ARFGEF3: variants seen among roughly 807,000 people sequenced by gnomAD.
The protein encoded by ARFGEF3 is ARFGEF family member 3.
A neutral mutation model predicts 221.7 loss-of-function variants in ARFGEF3; 96 were observed. The ratio of observed to expected loss-of-function variants is 0.43; its 90% CI spans 0.37 to 0.51. The LOEUF (loss-of-function observed/expected upper bound fraction) is 0.51, where lower values mean the gene tolerates loss of function less well. Among genes scored for constraint, ARFGEF3 ranks in the 20% least tolerant of loss-of-function variants. The pLI, the probability that ARFGEF3 is intolerant of heterozygous loss-of-function variation, is 0.00. For missense variants in ARFGEF3, 2,410 were observed against 2,789.9 expected (o/e 0.86, Z 3.07); for synonymous variants, 1,145 against 1,126.8 (o/e 1.02, Z -0.32).
In ARFGEF3 at chr6:138,343,398, TTGA is replaced by T. The variant is rs1780463169; in HGVS notation, c.*6917_*6919del. ...TGAGATCAGAAAGCATATCAGAATG[TTGA>T]TGATATCAAGGAGACAATCTACAGA... is the stretch of plus-strand genomic sequence containing the variant. On this transcript the variant is annotated 3_prime_UTR_variant, in exon 34 of 34. Coordinates refer to ENST00000251691, the MANE Select transcript of ARFGEF3 (RefSeq NM_020340.5). 1 of 152,148 alleles carries T rather than the reference TTGA, an allele frequency of 6.6e-6. No individual in the cohort carries two copies. Among genetic ancestry groups the T allele is most frequent in the South Asian group, 2.1e-4 (1 of 4,828 alleles). 9.4% of individuals were successfully genotyped at this position (152,148 alleles called of 1,614,324 possible).
At chr6:138,195,629 T>C (rs773557928) in intron 2 of ARFGEF3, among the ~76,000 whole-genome samples, 1 of 152,262 alleles carries the variant, frequency 6.6e-6, no homozygotes, top group Non-Finnish European at 1.5e-5. Flanking sequence ...TGTACTGTGA[T>C]TTGTTTAACC....
chr6:138,262,565 A>G, intron 11 of ARFGEF3, 136 bp from the exon 12 acceptor site: 1 of 856,280 alleles, frequency 1.2e-6, no homozygotes, highest in Non-Finnish European at 1.8e-6. Flanking sequence ...CATTGCCCAG[A>G]CCATTTTGTT....
At chr6:138,254,011 C>A (rs771164233) in intron 9 of ARFGEF3, 27 bp downstream of exon 9, 2 of 1,470,880 alleles carry the variant, frequency 1.4e-6, no homozygotes, top group African/African-American at 1.4e-5. Context: ...GACGCCCCGA[C>A]GCTGATGCCA....
chr6:138,219,368 GC>G (rs1777936134), intron 4 of ARFGEF3, among the ~76,000 whole-genome samples: 2 of 152,308 alleles, frequency 1.3e-5, no homozygotes, highest in South Asian at 4.1e-4. Context: ...CTGTAAGCAG[GC>G]AAGTGATCCA....
At chr6:138,310,961 G>A (rs537383069) in intron 24 of ARFGEF3, among the ~76,000 whole-genome samples, 10 of 152,270 alleles carry the variant, frequency 6.6e-5, no homozygotes, top group South Asian at 4.1e-4. Flanking sequence ...AGAGAGAAGC[G>A]CTTCATTCCA....
chr6:138,337,237 C>T lies in ARFGEF3; in HGVS notation c.*751C>T, dbSNP rs148801104. 3.3e-5 allele frequency: 5 copies of T among 152,672 alleles called. No homozygotes were observed. Among genetic ancestry groups the T allele is most frequent in the South Asian group, 4.1e-4 (2 of 4,826 alleles). 9.5% of individuals were successfully genotyped at this position (152,672 alleles called of 1,614,324 possible). On this transcript the variant is annotated 3_prime_UTR_variant, in exon 34 of 34. Transcript: ENST00000251691. ...GAGTACCCAGTGAAAGTGGCTGGTACGTAGATTGTCAAGAGACATAAGACC... is the reference window on the plus strand; with the variant it reads ...GAGTACCCAGTGAAAGTGGCTGGTATGTAGATTGTCAAGAGACATAAGACC...
intron 2 of ARFGEF3, among the ~76,000 whole-genome samples, chr6:138,198,678 C>T (rs1267652760): frequency 6.8e-6 from 1 of 146,434 alleles, no homozygotes; most frequent in African/African-American, 2.7e-5. Flanking sequence ...AACTCAGCAG[C>T]TAGTTCCAAA....
chr6:138,236,628 G>A (rs539789026), intron 5 of ARFGEF3, among the ~76,000 whole-genome samples: 50 of 152,156 alleles, frequency 3.3e-4, no homozygotes, highest in East Asian at 1.4e-3. Context: ...CACCATGCCC[G>A]GCTAATTTGT....
chr6:138,174,294 A>T (rs755091800), intron 2 of ARFGEF3, among the ~76,000 whole-genome samples: 4 of 152,074 alleles, frequency 2.6e-5, no homozygotes, highest in Non-Finnish European at 5.9e-5. Context: ...ATTCCATGTT[A>T]TCATTAGGGA....
rs566683506 is a variant in ARFGEF3 at position 138,336,880 on chromosome 6, A to C, written c.*394A>C. On this transcript the variant is annotated 3_prime_UTR_variant, in exon 34 of 34. Coordinates refer to ENST00000251691, the MANE Select transcript of ARFGEF3 (RefSeq NM_020340.5). ...ATTTAAAAAATAAATACAATTCCTA[A>C]GGCAATATCTGCTGGTAAGTCAAGC... is the stretch of plus-strand genomic sequence containing the variant. The C allele has an allele frequency of 1.3e-5, 2 of 153,506 alleles. No individual in the cohort carries two copies. Among genetic ancestry groups the C allele is most frequent in the South Asian group, 4.1e-4 (2 of 4,852 alleles). 9.5% of individuals were successfully genotyped at this position (153,506 alleles called of 1,614,324 possible). A position where few individuals can be genotyped will look rare whatever the true frequency, so the allele number is the denominator to read the frequency against.
chr6:138,228,607 C>CT (rs979685322), intron 4 of ARFGEF3, among the ~76,000 whole-genome samples: 11 of 152,208 alleles, frequency 7.2e-5, no homozygotes, highest in Middle Eastern at 3.4e-3. Context: ...AAAAAAAAAT[C>CT]TTTTTTACCC....
intron 4 of ARFGEF3, among the ~76,000 whole-genome samples, chr6:138,218,872 T>A (rs1245016831): frequency 6.6e-6 from 1 of 152,196 alleles, no homozygotes; most frequent in African/African-American, 2.4e-5. Context: ...TGAGATTAAG[T>A]CAAAATCTGC....
At chr6:138,281,800 A>T (rs763046480) in intron 14 of ARFGEF3, among the ~76,000 whole-genome samples, 1 of 152,354 alleles carries the variant, frequency 6.6e-6, no homozygotes, top group East Asian at 1.9e-4. Context: ...GCCACTTTTC[A>T]TGGCTTATTG....
At chr6:138,322,055 G>A (rs755250422) in intron 29 of ARFGEF3, among the ~76,000 whole-genome samples, 1 of 152,204 alleles carries the variant, frequency 6.6e-6, no homozygotes. Context: ...GTCTCTGGGG[G>A]TGTTTCTGGA....
At position 138,170,727 on chromosome 6, in the gene ARFGEF3, A is replaced by G; in HGVS notation, c.137+14A>G. 1.4e-6 allele frequency: 2 copies of G among 1,479,138 alleles called. No individual in the cohort carries two copies. The highest frequency in any genetic ancestry group is 1.9e-6 in the Non-Finnish European group (2 of 1,057,430). The allele number at this position is 1,479,138 out of a possible 1,614,324, so 91.6% of individuals were successfully genotyped here. A position where few individuals can be genotyped will look rare whatever the true frequency, so the allele number is the denominator to read the frequency against. ...ACATGTACTGAGGTAGGAGATGGAC[A>G]TTGTATAATATCACAGAAGTCAATA... On this transcript the variant is annotated intron_variant, in intron 2 of 33. Transcript: ENST00000251691.
Position 138,162,132 on chromosome 6 carries a change from A to C in ARFGEF3, c.46A>C (p.Lys16Gln), listed in dbSNP as rs1157491349. The change falls in exon 1 of 34, where the codon AAG (lysine) becomes CAG (glutamine). Residue 16 changes from lysine (K) to glutamine (Q), a missense_variant. This residue lies in a region of ARFGEF3 where 570 missense variants were observed against 586.9 expected (regional missense o/e 0.97). Transcript: ENST00000251691. This position sits in a 1 kb window ranked among gnomAD's most constrained non-coding sequence, Gnocchi z 4.7. ...RKLQKEASGS[K>Q]YKAIKESCTW... ...GCTGCAGAAGGAGGCGTCCGGGAGC[A>C]AGTACAAAGCCATCAAGGAGAGCTG... 3.7e-6 allele frequency: 6 copies of C among 1,605,652 alleles called. No homozygotes were observed. In the African/African-American group the frequency reaches 8.1e-5, roughly 22 times the overall value.
chr6:138,255,887 A>T, intron 10 of ARFGEF3, 118 bp downstream of exon 10: 1 of 822,642 alleles, frequency 1.2e-6, no homozygotes, highest in Non-Finnish European at 1.9e-6. Context: ...TTACTGCCTC[A>T]TGGTGTCCAG....
intron 29 of ARFGEF3, 36 bp downstream of exon 29, chr6:138,321,261 G>T: frequency 4.4e-6 from 5 of 1,142,014 alleles, no homozygotes; most frequent in Non-Finnish European, 5.0e-6. Context: ...CACAAAGCTG[G>T]AGTTTTTATT....
intron 5 of ARFGEF3, among the ~76,000 whole-genome samples, chr6:138,237,242 C>T (rs916972513): frequency 2.6e-5 from 4 of 152,130 alleles, no homozygotes; most frequent in Non-Finnish European, 5.9e-5. Context: ...TGTCAATCAT[C>T]AAATTAAATT....
Sources: allele counts gnomAD v4.1 joint callset (sites outside exome capture counted in the v4.1 genomes callset), GRCh38; gene constraint gnomAD v4.1.1; regional missense constraint gnomAD v4.1.1; non-coding constraint Gnocchi (gnomAD v3.1); transcripts MANE v1.5; gene names NCBI Gene and HGNC (gene_info 2026-07-23, HGNC 2026-07-21).